FTO: variants seen among roughly 807,000 people sequenced by gnomAD.
FTO encodes alpha-ketoglutarate-dependent dioxygenase FTO.
In FTO, 47 loss-of-function variants were observed where a neutral mutation model predicts 63.9. The ratio of observed to expected loss-of-function variants is 0.74; its 90% CI spans 0.58 to 0.94. The LOEUF is 0.94. Among genes scored for constraint, FTO ranks in the 40% least tolerant of loss-of-function variants. The pLI, the probability that FTO is intolerant of heterozygous loss-of-function variation, is 0.00. For missense variants in FTO, 562 were observed against 618.1 expected (o/e 0.91, Z 0.96); for synonymous variants, 207 against 224.4 (o/e 0.92, Z 0.69).
intron 1 of FTO, chr16:53,711,338 A>G (rs967399905): frequency 1.8e-5 from 7 of 398,092 alleles, no homozygotes; most frequent in Non-Finnish European, 2.7e-5. Flanking sequence ...CACTCAAACC[A>G]TTTTCTGTGT....
At chr16:54,018,478 G>A (rs1345246659) in intron 8 of FTO, among the ~76,000 whole-genome samples, 1 of 152,146 alleles carries the variant, frequency 6.6e-6, no homozygotes, top group African/African-American at 2.4e-5. Flanking sequence ...GTGTGTGTAT[G>A]TGTGTGTTAC....
chr16:54,011,124 A>G (rs1318750163), intron 8 of FTO, among the ~76,000 whole-genome samples: 1 of 152,208 alleles, frequency 6.6e-6, no homozygotes, highest in Non-Finnish European at 1.5e-5. Flanking sequence ...GGATGACATC[A>G]CAGTAACTGA....
At chr16:53,756,061 T>A (rs547385609) in intron 1 of FTO, among the ~76,000 whole-genome samples, 1 of 152,318 alleles carries the variant, frequency 6.6e-6, no homozygotes, top group East Asian at 1.9e-4. Context: ...TAAGTATTAA[T>A]ATCAAAACTT....
chr16:53,826,560 G>T, intron 3 of FTO, 69 bp downstream of exon 3: 2 of 1,434,534 alleles, frequency 1.4e-6, no homozygotes, highest in Non-Finnish European at 2.0e-6. Context: ...AGGCTCTGGA[G>T]ATACACACGC....
rs768784859 is a variant in FTO at position 54,016,725 on chromosome 16, C to T, written c.1364+82616C>T. Among the ~76,000 whole-genome samples the T allele has an allele frequency of 4.6e-5, 7 of 152,150 alleles. 1 individual carries two copies. Among genetic ancestry groups the T allele is most frequent in the Non-Finnish European group, 8.8e-5 (6 of 68,032 alleles). Reference sequence around the variant, plus strand: ...ATGAGGCTGATAGCCTTTTCTCTCTCTTCTTGGTTGGTGGCACTCTGGTAG... The same window carrying T: ...ATGAGGCTGATAGCCTTTTCTCTCTTTTCTTGGTTGGTGGCACTCTGGTAG... On this transcript the variant is annotated intron_variant, in intron 8 of 8. Transcript: ENST00000471389.
intron 1 of FTO, among the ~76,000 whole-genome samples, chr16:53,724,969 C>G (rs1020176017): frequency 2.0e-5 from 3 of 152,128 alleles, no homozygotes; most frequent in Non-Finnish European, 4.4e-5. Flanking sequence ...AGGGATCTGC[C>G]TCTCCTAAAT....
intron 1 of FTO, among the ~76,000 whole-genome samples, chr16:53,737,031 T>TG (rs1236913903): frequency 6.6e-6 from 1 of 152,198 alleles, no homozygotes; most frequent in Non-Finnish European, 1.5e-5. Context: ...ACTTGGCCAT[T>TG]GCGTTGGTAT....
chr16:53,800,481 C>G (rs2151711395), intron 1 of FTO, among the ~76,000 whole-genome samples: 1 of 152,266 alleles, frequency 6.6e-6, no homozygotes, highest in Non-Finnish European at 1.5e-5. Context: ...GGAGTGCTAT[C>G]TACATGTCAG....
intron 7 of FTO, among the ~76,000 whole-genome samples, chr16:53,923,954 C>T (rs1259047660): frequency 6.6e-6 from 1 of 151,958 alleles, no homozygotes; most frequent in Non-Finnish European, 1.5e-5. Context: ...GATTTCTCTA[C>T]TCGTAGAAGG....
chr16:53,753,635 T>G (rs1298704701), intron 1 of FTO, among the ~76,000 whole-genome samples: 6 of 152,190 alleles, frequency 3.9e-5, no homozygotes, highest in Non-Finnish European at 8.8e-5. Flanking sequence ...TGCCCCCACA[T>G]TCACTCAGTA....
intron 8 of FTO, among the ~76,000 whole-genome samples, chr16:54,019,149 A>G (rs1288225317): frequency 6.6e-6 from 1 of 152,192 alleles, no homozygotes; most frequent in African/African-American, 2.4e-5. Context: ...AAGGAAATCA[A>G]TTCTTCTTGT....
At position 53,890,339 on chromosome 16, in the gene FTO, C is replaced by T. The variant is rs74245270; in HGVS notation, c.1239+1388C>T. Among the ~76,000 whole-genome samples, 4,775 of 152,230 alleles carry T rather than the reference C, an allele frequency of 0.031. 444 individuals carry two copies. In the East Asian group the frequency reaches 0.34, roughly 11 times the overall value. ...CTGAGTTTAGAGATACATGTACCTTCATGAAACCATCACAGCAGTCTATGC... is the reference window on the plus strand; with the variant it reads ...CTGAGTTTAGAGATACATGTACCTTTATGAAACCATCACAGCAGTCTATGC... On this transcript the variant is annotated intron_variant, in intron 7 of 8. Coordinates refer to ENST00000471389, the MANE Select transcript of FTO (RefSeq NM_001080432.3).
chr16:53,994,915 G>A (rs2083900220), intron 8 of FTO, among the ~76,000 whole-genome samples: 1 of 151,806 alleles, frequency 6.6e-6, no homozygotes, highest in Non-Finnish European at 1.5e-5. Flanking sequence ...TGTATTTTTT[G>A]GTAGAGACGG....
At chr16:54,010,990 C>T (rs1408895222) in intron 8 of FTO, among the ~76,000 whole-genome samples, 2 of 152,146 alleles carry the variant, frequency 1.3e-5, no homozygotes, top group East Asian at 3.9e-4. Flanking sequence ...AATCATTAGC[C>T]TTCTGGAGGG....
chr16:54,111,789 A>G lies in FTO; in HGVS notation c.1392A>G (p.Leu464=), dbSNP rs1277348916. The G allele has an allele frequency of 6.2e-7, 1 of 1,613,996 alleles. No homozygotes were observed. Among genetic ancestry groups the G allele is most frequent in the Non-Finnish European group, 8.5e-7 (1 of 1,180,028 alleles). The change falls in exon 9 of 9, where the codon TTA becomes TTG. Residue 464 remains leucine, a synonymous_variant. Transcript: ENST00000471389. ...GCCAGTCACGAATTGCCCGAACATT[A>G]CCTGCTGATCAGAAGCCAGAATGTC... ...ARCQSRIART[L]PADQKPECRP...
chr16:53,706,536 T>A (rs72803658), intron 1 of FTO, among the ~76,000 whole-genome samples: 1 of 152,310 alleles, frequency 6.6e-6, no homozygotes, highest in Non-Finnish European at 1.5e-5. Context: ...CAGTGTATAC[T>A]TTTGGGTCTT....
intron 1 of FTO, among the ~76,000 whole-genome samples, chr16:53,710,438 G>T (rs2075740559): frequency 6.6e-6 from 1 of 151,730 alleles, no homozygotes; most frequent in South Asian, 2.1e-4. Flanking sequence ...GCTAATTTTT[G>T]TATTTTTAGT....
At chr16:53,894,856 CAAGAT>C (rs2081238257) in intron 7 of FTO, among the ~76,000 whole-genome samples, 1 of 152,198 alleles carries the variant, frequency 6.6e-6, no homozygotes, top group African/African-American at 2.4e-5. Context: ...CTGAGTGACT[CAAGAT>C]AAGCACAGAT....
chr16:53,912,666 A>G (rs2081742803), intron 7 of FTO, among the ~76,000 whole-genome samples: 1 of 152,208 alleles, frequency 6.6e-6, no homozygotes, highest in Admixed American at 6.5e-5. Flanking sequence ...GAGAACCAGG[A>G]CATGACTTGT....
Sources: gnomAD v4.1 joint callset for allele counts (sites outside exome capture counted in the v4.1 genomes callset) on GRCh38, gnomAD v4.1.1 for gene constraint, MANE v1.5 for transcripts, NCBI Gene and HGNC (gene_info 2026-07-23, HGNC 2026-07-21) for gene names.